PDZRN4: variants seen among roughly 807,000 people sequenced by gnomAD.
The protein encoded by PDZRN4 is PDZ domain-containing RING finger protein 4.
In PDZRN4, 70 loss-of-function variants were observed where a neutral mutation model predicts 99.0. The ratio of observed to expected loss-of-function variants is 0.71; its 90% CI spans 0.58 to 0.86. The LOEUF is 0.86. Ranked by LOEUF, PDZRN4 falls within the 40% of genes least tolerant of loss-of-function variation. PDZRN4 has a pLI of 0.00. For synonymous variants in PDZRN4, 551 were observed against 501.6 expected (o/e 1.10, Z -1.32); for missense variants, 1,474 against 1,331.2 (o/e 1.11, Z -1.67).
Position 41,188,940 on chromosome 12 carries a change from C to G in PDZRN4, c.485C>G (p.Pro162Arg). ...TGGGGCCGCGGGCGGGGACCCGGGC[C>G]TCGGGTCCTCGCCTGGAGGCGGCGC... ...GRWGRGRGPGPRVLAWRRREK... is the reference protein window; with the variant it reads ...GRWGRGRGPGRRVLAWRRREK... The change falls in exon 1 of 10, where the codon CCT becomes CGT. Residue 162 changes from proline (P) to arginine (R), a missense_variant. Transcript: ENST00000402685. 7.4e-7 allele frequency: 1 copy of G among 1,347,032 alleles called. No homozygotes were observed. Among genetic ancestry groups the G allele is most frequent in the Non-Finnish European group, 9.5e-7 (1 of 1,048,484 alleles). 83.4% of individuals were successfully genotyped at this position (1,347,032 alleles called of 1,614,324 possible).
At chr12:41,228,805 A>G (rs1283494991) in intron 3 of PDZRN4, among the ~76,000 whole-genome samples, 1 of 152,108 alleles carries the variant, frequency 6.6e-6, no homozygotes, top group African/African-American at 2.4e-5. Context: ...ATGAAATTCA[A>G]TAGTATATAC....
At chr12:41,210,022 CTT>C (rs1834298095) in intron 3 of PDZRN4, among the ~76,000 whole-genome samples, 2 of 151,720 alleles carry the variant, frequency 1.3e-5, no homozygotes, top group Admixed American at 1.3e-4. Context: ...TTTCCTGACT[CTT>C]TAATGATCAC....
chr12:41,522,882 GAAAT>G (rs1938516695), intron 5 of PDZRN4, among the ~76,000 whole-genome samples: 1 of 152,144 alleles, frequency 6.6e-6, no homozygotes, highest in Non-Finnish European at 1.5e-5. Context: ...CCAACTATAT[GAAAT>G]AAATTCCCCT....
chr12:41,189,948 C>A (rs1224772533), intron 1 of PDZRN4, among the ~76,000 whole-genome samples: 2 of 152,260 alleles, frequency 1.3e-5, no homozygotes, highest in South Asian at 2.1e-4. Context: ...GGCTTTCATA[C>A]CGAATAAACA....
chr12:41,391,749 G>T (rs1482883172), intron 3 of PDZRN4, among the ~76,000 whole-genome samples: 2 of 152,056 alleles, frequency 1.3e-5, no homozygotes, highest in Non-Finnish European at 2.9e-5. Context: ...TTGGCCCCAG[G>T]TTCATTGAAA....
At chr12:41,296,417 AG>A (rs1392842827) in intron 3 of PDZRN4, among the ~76,000 whole-genome samples, 10 of 152,190 alleles carry the variant, frequency 6.6e-5, no homozygotes, top group African/African-American at 2.2e-4. Context: ...GACTTTATGA[AG>A]GGTCAAAGAA....
intron 3 of PDZRN4, among the ~76,000 whole-genome samples, chr12:41,477,697 T>C (rs1428841813): frequency 6.6e-6 from 1 of 152,190 alleles, no homozygotes; most frequent in East Asian, 1.9e-4. Context: ...AATATAAATA[T>C]AAATGATGGT....
intron 3 of PDZRN4, among the ~76,000 whole-genome samples, chr12:41,235,895 T>C (rs1951063687): frequency 6.6e-6 from 1 of 152,216 alleles, no homozygotes; most frequent in African/African-American, 2.4e-5. Context: ...TCCAAATGTA[T>C]AACACTCATT....
intron 3 of PDZRN4, among the ~76,000 whole-genome samples, chr12:41,327,139 T>C (rs1951714689): frequency 6.6e-6 from 1 of 152,216 alleles, no homozygotes; most frequent in Admixed American, 6.5e-5. Context: ...ATATTCTCCA[T>C]TTTGCTAACT....
chr12:41,543,432 A>G (rs1267054423), intron 5 of PDZRN4, among the ~76,000 whole-genome samples: 1 of 152,122 alleles, frequency 6.6e-6, no homozygotes, highest in Non-Finnish European at 1.5e-5. Context: ...CTGGCTCTGA[A>G]TTTCCTCATT....
chr12:41,190,616 G>T (rs140568896), intron 1 of PDZRN4, among the ~76,000 whole-genome samples: 65 of 152,278 alleles, frequency 4.3e-4, no homozygotes, highest in African/African-American at 1.5e-3. Context: ...GCTGCTCTGC[G>T]CATTGCCTGG....
At chr12:41,337,699 C>T (rs569199860) in intron 3 of PDZRN4, among the ~76,000 whole-genome samples, 6 of 152,180 alleles carry the variant, frequency 3.9e-5, no homozygotes, top group African/African-American at 9.6e-5. Flanking sequence ...TTTATTCTCA[C>T]GAAAACTTAT....
At chr12:41,405,758 T>C (rs745451512) in intron 3 of PDZRN4, among the ~76,000 whole-genome samples, 12 of 152,148 alleles carry the variant, frequency 7.9e-5, no homozygotes, top group Non-Finnish European at 1.8e-4. Flanking sequence ...CATGGAATAC[T>C]ACACAGCCAT....
At chr12:41,205,236 A>T (rs1439206503) in intron 3 of PDZRN4, among the ~76,000 whole-genome samples, 3 of 151,882 alleles carry the variant, frequency 2.0e-5, no homozygotes, top group Admixed American at 6.6e-5. Flanking sequence ...TTAGTAACAA[A>T]CTGTTCGTGA....
chr12:41,349,257 A>G (rs929255509), intron 3 of PDZRN4, among the ~76,000 whole-genome samples: 1 of 151,908 alleles, frequency 6.6e-6, no homozygotes, highest in African/African-American at 2.4e-5. Flanking sequence ...GTATTATTTA[A>G]GAGTAGTCTT....
chr12:41,461,250 C>T (rs1233849852), intron 3 of PDZRN4, among the ~76,000 whole-genome samples: 5 of 151,420 alleles, frequency 3.3e-5, no homozygotes. Flanking sequence ...TGTACAAGTG[C>T]AGGTTTGTTA....
chr12:41,364,972 A>G (rs1160994571), intron 3 of PDZRN4, among the ~76,000 whole-genome samples: 1 of 151,100 alleles, frequency 6.6e-6, no homozygotes, highest in Non-Finnish European at 1.5e-5. Flanking sequence ...TAAATTATAC[A>G]AATGTAGTTT....
intron 3 of PDZRN4, among the ~76,000 whole-genome samples, chr12:41,350,411 G>T (rs192370918): frequency 6.6e-6 from 1 of 152,082 alleles, no homozygotes; most frequent in African/African-American, 2.4e-5. Flanking sequence ...AATGTCTATA[G>T]AAAACTAAAT....
At chr12:41,570,301 A>G (rs1272319319) in intron 9 of PDZRN4, among the ~76,000 whole-genome samples, 2 of 152,238 alleles carry the variant, frequency 1.3e-5, no homozygotes, top group African/African-American at 4.8e-5. Context: ...GCCTGTCACT[A>G]TAATAATTCC....
Sources: allele counts gnomAD v4.1 joint callset (sites outside exome capture counted in the v4.1 genomes callset), GRCh38; gene constraint gnomAD v4.1.1; transcripts MANE v1.5; gene names NCBI Gene and HGNC (gene_info 2026-07-23, HGNC 2026-07-21).